PACS2: variants seen among roughly 807,000 people sequenced by gnomAD.
PACS2 encodes the protein PACS1-like protein.
A neutral mutation model predicts 113.0 loss-of-function variants in PACS2; 36 were observed. That is an observed-to-expected ratio of 0.32 (90% CI 0.24 to 0.42). The LOEUF (loss-of-function observed/expected upper bound fraction) is 0.42. PACS2 is among the 10% of genes least tolerant of loss of function. PACS2 has a pLI of 1.00. For missense variants in PACS2, 1,015 were observed against 1,239.5 expected, an observed-to-expected ratio of 0.82 and a Z score of 2.72; for synonymous variants, 589 against 536.1, an observed-to-expected ratio of 1.10 and a Z score of -1.36.
intron 2 of PACS2, 54 bp from the exon 3 acceptor site, chr14:105,352,324 G>A: frequency 8.4e-7 from 1 of 1,188,066 alleles, no homozygotes; most frequent in East Asian, 2.3e-5. Flanking sequence ...TCTTTGCCTG[G>A]TTTCCTGCTG....
rs2141236843 is a variant in PACS2, at chr14:105,380,946, C to T, written c.1126-11C>T. 1 of 1,606,444 alleles carries T rather than the reference C, an allele frequency of 6.2e-7. No homozygotes were observed. The highest frequency in any genetic ancestry group is 2.2e-5 in the East Asian group (1 of 44,696). On this transcript the variant is annotated splice_polypyrimidine_tract_variant and intron_variant, in intron 11 of 24. Transcript: ENST00000447393. ...TCCACGGGAGGCTCCAGGCCCGTCT[C>T]TGCTCAGCAGGGTGTGCCAGGCCCG... is the stretch of plus-strand genomic sequence containing the variant.
In PACS2 at chr14:105,369,840, G is replaced by A; in HGVS notation, c.742-1G>A. On this transcript the variant is annotated splice_acceptor_variant, in intron 7 of 24. Transcript: ENST00000447393. LOFTEE classifies it high-confidence loss of function. ...CTGACTCTGCACCGCCTGTCTTGCAGCAACAGAACTTCAAGCAGAAAGTGG... is the reference window on the plus strand; with the variant it reads ...CTGACTCTGCACCGCCTGTCTTGCAACAACAGAACTTCAAGCAGAAAGTGG... 1 of 1,593,536 alleles carries A rather than the reference G, an allele frequency of 6.3e-7. No homozygotes were observed.
At chr14:105,382,682 G>C (rs2141247272) in intron 14 of PACS2, 101 bp downstream of exon 14, 2 of 961,248 alleles carry the variant, frequency 2.1e-6, no homozygotes, top group Non-Finnish European at 3.3e-6. Context: ...TGCTGGAGCT[G>C]CTGGCTGTGG....
upstream of PACS2, among the ~76,000 whole-genome samples, chr14:105,309,586 C>G (rs956574387): frequency 2.0e-5 from 3 of 152,160 alleles, no homozygotes; most frequent in African/African-American, 7.2e-5. This position sits in a 1 kb window ranked among gnomAD's most constrained non-coding sequence, Gnocchi z 4.0. Flanking sequence ...AGGCAAATCT[C>G]CCAAGACGCT....
intron 1 of PACS2, among the ~76,000 whole-genome samples, chr14:105,345,164 T>G (rs1426822202): frequency 6.6e-6 from 1 of 151,598 alleles, no homozygotes; most frequent in Admixed American, 6.6e-5. Flanking sequence ...TCCCAGCACT[T>G]TGGGAGGCCA....
At chr14:105,343,662 CTT>C (rs376416556) in intron 1 of PACS2, among the ~76,000 whole-genome samples, 1 of 149,910 alleles carries the variant, frequency 6.7e-6, no homozygotes, top group Non-Finnish European at 1.5e-5. Flanking sequence ...ATCAATGTAT[CTT>C]TTCTGGTGAA....
At chr14:105,308,260 T>C (rs2058248642) in intron 1 of PACS2, among the ~76,000 whole-genome samples, 1 of 151,972 alleles carries the variant, frequency 6.6e-6, no homozygotes, top group African/African-American at 2.4e-5. Flanking sequence ...GGTGAGAGGA[T>C]TGATTGAGCC....
rs2058578515 is a variant in PACS2, at chr14:105,315,730, C to G, written c.119+693C>G. 6.6e-6 allele frequency: 1 copy of G among 152,320 alleles called. No homozygotes were observed. The allele number at this position is 152,320 out of a possible 1,614,324, so 9.4% of individuals were successfully genotyped here. ...ACCCTCCGGCCATAGCCCAGCCTTC[C>G]TTGGACTTGCAGCTTCCCTGAGTCT... On this transcript the variant is annotated intron_variant, in intron 1 of 24. Coordinates refer to ENST00000447393, the MANE Select transcript of PACS2 (RefSeq NM_001100913.3). The surrounding 1 kb of genome is among the most constrained non-coding windows in gnomAD (Gnocchi z 4.4).
intron 1 of PACS2, among the ~76,000 whole-genome samples, chr14:105,328,271 A>C (rs1378183059): frequency 6.6e-6 from 1 of 152,104 alleles, no homozygotes; most frequent in African/African-American, 2.4e-5. Flanking sequence ...ACTGGGGAGG[A>C]GGCAGCTGTC....
Position 105,355,264 on chromosome 14 carries a change from C to T in PACS2, c.423+87C>T, listed in dbSNP as rs983470586. 1.9e-5 allele frequency: 28 copies of T among 1,453,750 alleles called. No individual in the cohort carries two copies. In the African/African-American group the frequency reaches 2.4e-4, roughly 12 times the overall value. 90.1% of individuals were successfully genotyped at this position (1,453,750 alleles called of 1,614,324 possible). On this transcript the variant is annotated intron_variant, in intron 4 of 24. Transcript: ENST00000447393. This position sits in a 1 kb window ranked among gnomAD's most constrained non-coding sequence, Gnocchi z 4.1. ...CCGTGGGAGATGGAGATGTCTCTCC[C>T]GGGTCCAGATGTCCAGGGATCAGGT... is the stretch of plus-strand genomic sequence containing the variant.
At chr14:105,311,947 G>A (rs1445611590), upstream of PACS2, among the ~76,000 whole-genome samples, 2 of 152,250 alleles carry the variant, frequency 1.3e-5, no homozygotes, top group Admixed American at 1.3e-4. Context: ...GGGCTGGGCA[G>A]GGACCTGGCC....
rs782335965 is a variant in PACS2 at position 105,382,802 on chromosome 14, G to T, written c.1519-5G>T. 2 of 1,573,462 alleles carry T rather than the reference G, an allele frequency of 1.3e-6. No individual in the cohort carries two copies. The highest frequency in any genetic ancestry group is 1.1e-5 in the South Asian group (1 of 89,872). On this transcript the variant is annotated splice_polypyrimidine_tract_variant and splice_region_variant and intron_variant, in intron 14 of 24. Transcript: ENST00000447393. ...CGAAGTCAGCGTCTGCCTGTCTTCT[G>T]CCAGTTCCTCTCCGACGTCCTGCAG... is the stretch of plus-strand genomic sequence containing the variant.
Position 105,338,837 on chromosome 14 carries a change from G to A in PACS2, c.120-9656G>A, listed in dbSNP as rs113438878. 4.5e-3 allele frequency among the ~76,000 whole-genome samples: 681 copies of A among 152,266 alleles called. 9 individuals are homozygous for A. The highest frequency in any genetic ancestry group is 0.016 in the African/African-American group (644 of 41,534). On this transcript the variant is annotated intron_variant, in intron 1 of 24. Transcript: ENST00000447393. Reference sequence around the variant, plus strand: ...CTGTTGAAGGCCCTTGGAATTCCCTGGCTTCATTGTGCCATCTCCCCGCTC... The same window carrying A: ...CTGTTGAAGGCCCTTGGAATTCCCTAGCTTCATTGTGCCATCTCCCCGCTC...
intron 24 of PACS2, chr14:105,393,592 G>GTT (rs1566974466): frequency 1.8e-4 from 72 of 407,128 alleles, no homozygotes; most frequent in Middle Eastern, 1.3e-3. Flanking sequence ...TTTTTGTTTT[G>GTT]GTTTTTTTTT....
chr14:105,337,510 G>A (rs116447030), intron 1 of PACS2, among the ~76,000 whole-genome samples: 2,177 of 152,342 alleles, frequency 0.014, 56 homozygotes, highest in African/African-American at 0.05. Flanking sequence ...GGCTGTCACC[G>A]TTTACCTTCC....
chr14:105,377,252 C>T (rs892190395), intron 9 of PACS2, among the ~76,000 whole-genome samples: 10 of 152,238 alleles, frequency 6.6e-5, no homozygotes, highest in African/African-American at 2.4e-4. Flanking sequence ...CTGGGGGATG[C>T]CCTGGGAACT....
At chr14:105,345,935 T>C (rs2059903804) in intron 1 of PACS2, among the ~76,000 whole-genome samples, 1 of 152,240 alleles carries the variant, frequency 6.6e-6, no homozygotes, top group African/African-American at 2.4e-5. Context: ...CTTCCGCGTT[T>C]CTGCCAAGTC....
At chr14:105,362,190 G>A (rs1258879609) in intron 4 of PACS2, among the ~76,000 whole-genome samples, 84 of 150,998 alleles carry the variant, frequency 5.6e-4, no homozygotes, top group African/African-American at 1.9e-3. Context: ...AGGCCACGGT[G>A]GGCGGATCAC....
chr14:105,343,181 A>C (rs1463759832), intron 1 of PACS2, among the ~76,000 whole-genome samples: 1 of 152,104 alleles, frequency 6.6e-6, no homozygotes, highest in African/African-American at 2.4e-5. Flanking sequence ...GGCGTCTCTC[A>C]CTCAACACGA....
Sources: gnomAD v4.1 joint callset for allele counts (sites outside exome capture counted in the v4.1 genomes callset) on GRCh38, gnomAD v4.1.1 for gene constraint, Gnocchi (gnomAD v3.1) non-coding constraint, MANE v1.5 for transcripts, NCBI Gene and HGNC (gene_info 2026-07-23, HGNC 2026-07-21) for gene names.